Variants in TSPEAR observed in about 807,000 individuals in gnomAD.
TSPEAR encodes thrombospondin-type laminin G domain and EAR repeat-containing protein.
TSPEAR carries 69 observed loss-of-function variants against 71.6 expected under a neutral mutation model. The ratio of observed to expected loss-of-function variants is 0.96; its 90% CI spans 0.79 to 1.18. TSPEAR has a LOEUF of 1.18. Among genes scored for constraint, TSPEAR ranks in the 50% most tolerant of loss-of-function variants. TSPEAR has a pLI of 0.00. For missense variants in TSPEAR, 971 were observed against 894.9 expected (o/e 1.09, Z -1.09); for synonymous variants, 402 against 387.2 (o/e 1.04, Z -0.45).
At chr21:44,588,787 G>GTGTA (rs142262398) in intron 1 of TSPEAR, among the ~76,000 whole-genome samples, 14 of 147,514 alleles carry the variant, frequency 9.5e-5, no homozygotes, top group Non-Finnish European at 1.8e-4. Context: ...ATGTGTGTGT[G>GTGTA]TATATATATA....
At chr21:44,693,986 C>G (rs1987222903) in intron 1 of TSPEAR, among the ~76,000 whole-genome samples, 1 of 152,148 alleles carries the variant, frequency 6.6e-6, no homozygotes, top group Non-Finnish European at 1.5e-5. Flanking sequence ...AATTTTAAAA[C>G]CTACTGCAAA....
At chr21:44,518,355 A>C in intron 9 of TSPEAR, 1 of 456,402 alleles carries the variant, frequency 2.2e-6, no homozygotes. Context: ...GCACTGGGGC[A>C]TCTTGAGCAC....
chr21:44,687,780 T>G lies in TSPEAR; in HGVS notation c.82+23653A>C, dbSNP rs1569260355. 2.6e-5 allele frequency among the ~76,000 whole-genome samples: 4 copies of G among 152,198 alleles called. No individual in the cohort carries two copies. On this transcript the variant is annotated intron_variant, in intron 1 of 11. Transcript: ENST00000323084. This position sits in a 1 kb window ranked among gnomAD's most constrained non-coding sequence, Gnocchi z 4.4. The stretch of plus-strand genomic sequence containing the variant: ...GCCTGGGTGAGCTGTGTTGACAGAT[T>G]GGCAAACTTCGTCAAATGATACCCT...
At chr21:44,658,888 C>T (rs1985329011) in intron 1 of TSPEAR, among the ~76,000 whole-genome samples, 1 of 152,010 alleles carries the variant, frequency 6.6e-6, no homozygotes, top group South Asian at 2.1e-4. Flanking sequence ...AATCCTCTAC[C>T]CAGAAGGATG....
At chr21:44,680,716 G>C (rs921912825) in intron 1 of TSPEAR, among the ~76,000 whole-genome samples, 2 of 152,196 alleles carry the variant, frequency 1.3e-5, no homozygotes, top group Non-Finnish European at 2.9e-5. Flanking sequence ...CCATAAAAAA[G>C]AATGAAGTCC....
At chr21:44,567,220 A>G (rs1489985925) in intron 2 of TSPEAR, among the ~76,000 whole-genome samples, 1 of 152,226 alleles carries the variant, frequency 6.6e-6, no homozygotes, top group Non-Finnish European at 1.5e-5. Flanking sequence ...TCTCCAAGGA[A>G]TATGCACAAA....
At chr21:44,659,075 A>G (rs1985340872) in intron 1 of TSPEAR, among the ~76,000 whole-genome samples, 1 of 152,138 alleles carries the variant, frequency 6.6e-6, no homozygotes. Context: ...CCCACATGCA[A>G]AGGGCCTGCC....
chr21:44,632,808 C>G (rs2019681738), intron 1 of TSPEAR, among the ~76,000 whole-genome samples: 1 of 152,186 alleles, frequency 6.6e-6, no homozygotes, highest in African/African-American at 2.4e-5. Context: ...CGTGCCACTG[C>G]TCTCCAGCCT....
At position 44,553,235 on chromosome 21, in the gene TSPEAR, T is replaced by G. The variant is rs114683652; in HGVS notation, c.303+14550A>C. ...AGACGCGGAAGCTTCAGCAGAGAGG[T>G]TGAGCAATCTGCTCAAAGCCACACA... On this transcript the variant is annotated intron_variant, in intron 2 of 11. Transcript: ENST00000323084. Among the ~76,000 whole-genome samples the G allele has an allele frequency of 5.3e-3, 803 of 151,686 alleles. 11 individuals carry two copies. The highest frequency in any genetic ancestry group is 0.018 in the African/African-American group (759 of 41,324).
intron 1 of TSPEAR, chr21:44,654,730 T>G: frequency 1.4e-6 from 1 of 691,262 alleles, no homozygotes; most frequent in South Asian, 2.0e-5. Flanking sequence ...CCTGGCATCT[T>G]CCTCGTGGGT....
rs587744978 is a variant in TSPEAR at position 44,546,734 on chromosome 21, A to G, written c.304-12811T>C. ...CCAGCATGTGAAATATGTCATCCCA[A>G]TGCCTCTGGCCTCCATGGTTTCTGA... On this transcript the variant is annotated intron_variant, in intron 2 of 11. Transcript: ENST00000323084. This position sits in a 1 kb window ranked among gnomAD's most constrained non-coding sequence, Gnocchi z 4.4. Among the ~76,000 whole-genome samples the G allele has an allele frequency of 6.6e-6, 1 of 152,324 alleles. No individual in the cohort carries two copies. The highest frequency in any genetic ancestry group is 6.5e-5 in the Admixed American group (1 of 15,304).
rs1294280956 is a variant in TSPEAR, at chr21:44,600,573, T to C, written c.83-32568A>G. 67 of 1,345,190 alleles carry C rather than the reference T, an allele frequency of 5.0e-5. No homozygotes were observed. In the East Asian group the frequency reaches 6.4e-4, roughly 13 times the overall value. 83.3% of individuals were successfully genotyped at this position (1,345,190 alleles called of 1,614,324 possible). On this transcript the variant is annotated intron_variant, in intron 1 of 11. Transcript: ENST00000323084. ...CCTAACACACGGACTCACTCACTCA[T>C]TCACTCACTCACCCACTCACTCCCA... is the stretch of plus-strand genomic sequence containing the variant.
chr21:44,697,044 TCCTGC>T, intron 1 of TSPEAR: 6 of 1,065,036 alleles, frequency 5.6e-6, no homozygotes, highest in Non-Finnish European at 3.9e-6. Flanking sequence ...ACTCCCTCCC[TCCTGC>T]CCATCCAGCA....
At chr21:44,648,099 G>C (rs1322627381) in intron 1 of TSPEAR, among the ~76,000 whole-genome samples, 1 of 152,260 alleles carries the variant, frequency 6.6e-6, no homozygotes, top group Non-Finnish European at 1.5e-5. Context: ...CACTCTGTGT[G>C]CTCTGAAGCA....
intron 1 of TSPEAR, among the ~76,000 whole-genome samples, chr21:44,669,786 C>A (rs1263299291): frequency 1.3e-5 from 2 of 152,176 alleles, no homozygotes; most frequent in Non-Finnish European, 2.9e-5. Context: ...AGCAGTCCCA[C>A]CCCCAGAGGT....
rs587604097 is a variant in TSPEAR, at chr21:44,569,381, G to A, written c.83-1376C>T. On this transcript the variant is annotated intron_variant, in intron 1 of 11. Coordinates refer to ENST00000323084, the MANE Select transcript of TSPEAR (RefSeq NM_144991.3). The stretch of plus-strand genomic sequence containing the variant: ...TACAAAAACCGGATGTGACGCAGAC[G>A]TGCAGTGCAGGAACAGCCGGCAAAG... Among the ~76,000 whole-genome samples, 6 of 152,354 alleles carry A rather than the reference G, an allele frequency of 3.9e-5. No individual in the cohort carries two copies. In the South Asian group the frequency reaches 8.3e-4, roughly 21 times the overall value.
chr21:44,574,187 A>G lies in TSPEAR; in HGVS notation c.83-6182T>C, dbSNP rs782002508. On this transcript the variant is annotated intron_variant, in intron 1 of 11. Coordinates refer to ENST00000323084, the MANE Select transcript of TSPEAR (RefSeq NM_144991.3). ...GCTGCCAGCAGTCTAGCTGCCAGTC[A>G]GCTTGCTGCACCTCCTCCCCCTGCC... The G allele has an allele frequency of 1.1e-5, 18 of 1,602,108 alleles. No individual in the cohort carries two copies. In the African/African-American group the frequency reaches 1.7e-4, roughly 15 times the overall value.
intron 1 of TSPEAR, among the ~76,000 whole-genome samples, chr21:44,672,758 T>C (rs1032216045): frequency 2.6e-5 from 4 of 152,034 alleles, no homozygotes; most frequent in Non-Finnish European, 5.9e-5. Context: ...GGGGAGGGGA[T>C]TGGATCATGG....
intron 1 of TSPEAR, among the ~76,000 whole-genome samples, chr21:44,571,843 G>A (rs895136436): frequency 3.3e-5 from 5 of 152,318 alleles, no homozygotes; most frequent in South Asian, 2.1e-4. Context: ...ACAGAAGAGC[G>A]GGACAGCTCC....
Sources: gnomAD v4.1 joint callset for allele counts (sites outside exome capture counted in the v4.1 genomes callset) on GRCh38, gnomAD v4.1.1 for gene constraint, Gnocchi (gnomAD v3.1) non-coding constraint, MANE v1.5 for transcripts, NCBI Gene and HGNC (gene_info 2026-07-23, HGNC 2026-07-21) for gene names.